The following ASB5 variants were observed in gnomAD, a reference collection of about 807,000 sequenced individuals.
The protein encoded by ASB5 is ankyrin repeat and SOCS box containing 5, also known as ankyrin repeat and SOCS box protein 5.
ASB5 carries 45 observed loss-of-function variants against 42.1 expected under a neutral mutation model. The observed-to-expected ratio is 1.07, with a 90% CI of 0.84 to 1.37. The LOEUF is 1.37. Ranked by LOEUF, ASB5 falls within the 40% of genes most tolerant of loss-of-function variation. The pLI is 0.00. For synonymous variants in ASB5, 147 were observed against 150.6 expected, an observed-to-expected ratio of 0.98 and a Z score of 0.18; for missense variants, 402 against 399.8, an observed-to-expected ratio of 1.01 and a Z score of -0.05.
At chr4:176,274,616 C>T (rs2126983407) in intron 2 of ASB5, among the ~76,000 whole-genome samples, 1 of 152,256 alleles carries the variant, frequency 6.6e-6, no homozygotes, top group South Asian at 2.1e-4. Context: ...TAACCACTGT[C>T]CTCTGAGGTA....
chr4:176,256,670 G>C (rs1754163034), intron 1 of ASB5, among the ~76,000 whole-genome samples: 1 of 152,130 alleles, frequency 6.6e-6, no homozygotes, highest in African/African-American at 2.4e-5. Flanking sequence ...CAGGCGTGGT[G>C]GCTCATGCCT....
chr4:176,249,850 G>T (rs965517675), intron 1 of ASB5, among the ~76,000 whole-genome samples: 13 of 151,848 alleles, frequency 8.6e-5, no homozygotes, highest in South Asian at 2.1e-4. Context: ...TGGATCACGA[G>T]GTCAGGAGAT....
intron 2 of ASB5, among the ~76,000 whole-genome samples, chr4:176,275,376 A>G (rs572140634): frequency 1.4e-4 from 21 of 152,284 alleles, no homozygotes; most frequent in Middle Eastern, 3.4e-3. Context: ...AGTTTCTTTA[A>G]CAACATAAGT....
At chr4:176,218,278 A>AATATATATATATTTGTATGATATAT (rs1561250056) in intron 5 of ASB5, among the ~76,000 whole-genome samples, 1 of 79,750 alleles carries the variant, frequency 1.3e-5, no homozygotes, top group African/African-American at 5.3e-5. Flanking sequence ...ATGATATATA[A>AATATATATATATTTGTATGATATAT]ATATATATAT....
chr4:176,252,085 A>AAAAAAAG (rs1754051310), intron 1 of ASB5, among the ~76,000 whole-genome samples: 3 of 30,448 alleles, frequency 9.9e-5, no homozygotes, highest in Non-Finnish European at 1.2e-4. Context: ...AAAAAAAAAG[A>AAAAAAAG]AAAAAAAAAA....
rs1754423519 is a variant in ASB5, at chr4:176,269,162, C to T, written c.-54G>A. The T allele has an allele frequency of 3.2e-6, 5 of 1,541,698 alleles. No individual in the cohort carries two copies. The highest frequency in any genetic ancestry group is 1.7e-4 in the Middle Eastern group (1 of 5,816). ...AGTTGGATCCAAGTCTCAAATGTGC[C>T]TGGCTCTCGTCCGGGATGCTCCTGA... On this transcript the variant is annotated 5_prime_UTR_variant, in exon 1 of 7. Coordinates refer to ENST00000296525, the MANE Select transcript of ASB5 (RefSeq NM_080874.4).
chr4:176,237,423 G>T, intron 1 of ASB5: 2 of 985,876 alleles, frequency 2.0e-6, no homozygotes, highest in Non-Finnish European at 2.4e-6. Flanking sequence ...GACATAGTTT[G>T]GTTGACGTTT....
At chr4:176,241,446 T>C (rs981303724) in intron 1 of ASB5, 6 of 1,524,686 alleles carry the variant, frequency 3.9e-6, no homozygotes, top group Non-Finnish European at 5.3e-6. Flanking sequence ...AGAGAAATCC[T>C]AAGGTTTTCT....
At chr4:176,219,193 T>G (rs1460982915) in intron 5 of ASB5, among the ~76,000 whole-genome samples, 1 of 119,440 alleles carries the variant, frequency 8.4e-6, no homozygotes, top group Non-Finnish European at 1.6e-5. Context: ...GACATATAAA[T>G]ATATATATTT....
chr4:176,253,940 C>T (rs941705140), intron 1 of ASB5, among the ~76,000 whole-genome samples: 9 of 152,158 alleles, frequency 5.9e-5, no homozygotes, highest in African/African-American at 1.9e-4. Context: ...ATTCCATGCT[C>T]GTGGATTTGA....
intron 6 of ASB5, among the ~76,000 whole-genome samples, chr4:176,216,318 G>A (rs144533543): frequency 2.6e-3 from 389 of 152,186 alleles, no homozygotes; most frequent in Admixed American, 4.5e-3. Context: ...ATATATGAGA[G>A]TTTAGGTAAG....
intron 1 of ASB5, among the ~76,000 whole-genome samples, chr4:176,265,265 C>CAT (rs946403711): frequency 9.9e-5 from 15 of 152,156 alleles, no homozygotes; most frequent in African/African-American, 3.6e-4. Flanking sequence ...CATGTGCACC[C>CAT]ATAAATCCAT....
At position 176,214,649 on chromosome 4, in the gene ASB5, C is replaced by A. The variant is rs1388867397; in HGVS notation, c.*951G>T. On this transcript the variant is annotated 3_prime_UTR_variant, in exon 7 of 7. Coordinates refer to ENST00000296525, the MANE Select transcript of ASB5 (RefSeq NM_080874.4). ...GGTCTCCAATGTGTTAAGTGGCACCCACTCTTTAAAAACTCCACAATTTGA... is the reference window on the plus strand; with the variant it reads ...GGTCTCCAATGTGTTAAGTGGCACCAACTCTTTAAAAACTCCACAATTTGA... 1.3e-5 allele frequency: 2 copies of A among 152,090 alleles called. No individual in the cohort carries two copies. The highest frequency in any genetic ancestry group is 4.8e-5 in the African/African-American group (2 of 41,414). The allele number at this position is 152,090 out of a possible 1,614,324, so 9.4% of individuals were successfully genotyped here.
chr4:176,215,435 C>A lies in ASB5; in HGVS notation c.*165G>T. The A allele has an allele frequency of 1.8e-6, 1 of 567,496 alleles. No homozygotes were observed. Among genetic ancestry groups the A allele is most frequent in the Non-Finnish European group, 2.9e-6 (1 of 350,666 alleles). 35.2% of individuals were successfully genotyped at this position (567,496 alleles called of 1,614,324 possible). A position where few individuals can be genotyped will look rare whatever the true frequency, so the allele number is the denominator to read the frequency against. The stretch of plus-strand genomic sequence containing the variant: ...TCCAAAGACAGCATAAATGATAAAA[C>A]AATAGTACTAATACACTTAAAATGA... On this transcript the variant is annotated 3_prime_UTR_variant, in exon 7 of 7. Transcript: ENST00000296525.
chr4:176,269,839 A>G (rs1238591956), upstream of ASB5, among the ~76,000 whole-genome samples: 3 of 152,230 alleles, frequency 2.0e-5, no homozygotes, highest in Non-Finnish European at 4.4e-5. Context: ...AATGGAAAAG[A>G]AATCAGGTAA....
chr4:176,272,962 T>TTTTTTTC (rs397758925), upstream of ASB5, among the ~76,000 whole-genome samples: 1 of 115,998 alleles, frequency 8.6e-6, no homozygotes, highest in African/African-American at 2.9e-5. Flanking sequence ...TTTTTTTTTT[T>TTTTTTTC]CTTGAGACAG....
chr4:176,252,306 A>G (rs1441426836), intron 1 of ASB5, among the ~76,000 whole-genome samples: 1 of 152,184 alleles, frequency 6.6e-6, no homozygotes, highest in African/African-American at 2.4e-5. Context: ...TTCCAGAATC[A>G]ATATCCATTA....
At chr4:176,261,264 G>C (rs1267200310) in intron 1 of ASB5, among the ~76,000 whole-genome samples, 1 of 152,120 alleles carries the variant, frequency 6.6e-6, no homozygotes, top group Non-Finnish European at 1.5e-5. Context: ...TCTCTGAGAT[G>C]TACTTCATGA....
chr4:176,240,625 G>A (rs1198561210), intron 1 of ASB5, among the ~76,000 whole-genome samples: 2 of 152,188 alleles, frequency 1.3e-5, no homozygotes, highest in Non-Finnish European at 2.9e-5. Context: ...AGTTAAGAGT[G>A]AGTAAACGTT....
Sources: allele counts gnomAD v4.1 joint callset (sites outside exome capture counted in the v4.1 genomes callset), GRCh38; gene constraint gnomAD v4.1.1; transcripts MANE v1.5; gene names NCBI Gene and HGNC (gene_info 2026-07-23, HGNC 2026-07-21).